RARB: variants seen among roughly 807,000 people sequenced by gnomAD.
RARB encodes the protein retinoic acid receptor beta.
In RARB, 17 loss-of-function variants were observed where a neutral mutation model predicts 51.9. The ratio of observed to expected loss-of-function variants is 0.33; its 90% CI spans 0.22 to 0.49. RARB has a LOEUF of 0.49. Among genes scored for constraint, RARB ranks in the 20% least tolerant of loss-of-function variants. RARB has a pLI of 0.99. For missense variants in RARB, 369 were observed against 550.8 expected, an observed-to-expected ratio of 0.67 and a Z score of 3.30; for synonymous variants, 215 against 195.4, an observed-to-expected ratio of 1.10 and a Z score of -0.84.
In RARB at chr3:25,594,508, C is replaced by A. The variant is rs1296507403; in HGVS notation, c.992-12C>A. ...TCCTGATTTTGTTTAATACTTTATT[C>A]CTGGTATCCAGACCGCCAGGACCTT... On this transcript the variant is annotated splice_polypyrimidine_tract_variant and intron_variant, in intron 6 of 7. Transcript: ENST00000330688. 5 of 1,591,664 alleles carry A rather than the reference C, an allele frequency of 3.1e-6. No homozygotes were observed. The highest frequency in any genetic ancestry group is 1.4e-5 in the African/African-American group (1 of 73,246).
chr3:25,103,673 A>G (rs1338892652), intron 3 of RARB, among the ~76,000 whole-genome samples: 1 of 152,234 alleles, frequency 6.6e-6, no homozygotes, highest in African/African-American at 2.4e-5. Context: ...CTAATTTTCT[A>G]GAGATGAAAT....
chr3:25,417,891 C>T (rs928931948), intron 5 of RARB, among the ~76,000 whole-genome samples: 11 of 152,154 alleles, frequency 7.2e-5, no homozygotes, highest in Non-Finnish European at 1.5e-4. Context: ...GGTAAATGCT[C>T]CAGGCTGGCA....
In RARB at chr3:24,977,153, G is replaced by A. The variant is rs186473016; in HGVS notation, c.-379-82972G>A. On this transcript the variant is annotated intron_variant, in intron 2 of 11. Transcript: ENST00000383772. The stretch of plus-strand genomic sequence containing the variant: ...TTTGGTACCGGTACCATGCTGTTTC[G>A]GTTACTGTAGCCTTGTAGTATAGTT... Among the ~76,000 whole-genome samples, 310 of 152,150 alleles carry A rather than the reference G, an allele frequency of 2.0e-3. 1 individual carries two copies. Among genetic ancestry groups the A allele is most frequent in the Admixed American group, 5.2e-3 (79 of 15,298 alleles).
Position 24,909,812 on chromosome 3 carries a change from GAT to G in RARB, c.-380+51061_-380+51062del, listed in dbSNP as rs543954186. On this transcript the variant is annotated intron_variant, in intron 2 of 11. Transcript: ENST00000383772. ...TTTTGTTCTGTCACCTCTTATTTTT[GAT>G]GTCTGATTGTGTAGGGCATAGAATT... 8.5e-5 allele frequency among the ~76,000 whole-genome samples: 13 copies of G among 152,070 alleles called. No individual in the cohort carries two copies. In the South Asian group the frequency reaches 2.5e-3, roughly 29 times the overall value.
intron 4 of RARB, among the ~76,000 whole-genome samples, chr3:25,142,199 T>G (rs1422251958): frequency 6.6e-6 from 1 of 152,166 alleles, no homozygotes; most frequent in East Asian, 1.9e-4. Context: ...CCAGGCATGG[T>G]GGCGGGCACC....
At chr3:25,370,794 A>G (rs1469963863) in intron 5 of RARB, among the ~76,000 whole-genome samples, 3 of 152,234 alleles carry the variant, frequency 2.0e-5, no homozygotes. Context: ...GCTGGCGTCA[A>G]ACAACAGAAA....
chr3:25,065,496 C>G (rs1433140946), intron 3 of RARB, among the ~76,000 whole-genome samples: 2 of 152,150 alleles, frequency 1.3e-5, no homozygotes, highest in African/African-American at 4.8e-5. Context: ...GATTCAAGCA[C>G]TGTAAAAGTA....
At chr3:25,276,698 TAAAGA>T (rs1468692502) in intron 5 of RARB, among the ~76,000 whole-genome samples, 2 of 152,170 alleles carry the variant, frequency 1.3e-5, no homozygotes, top group Non-Finnish European at 2.9e-5. Flanking sequence ...AGGAAAGGCC[TAAAGA>T]AAAGAAAAGC....
At chr3:25,544,387 A>G (rs141793515) in intron 3 of RARB, among the ~76,000 whole-genome samples, 210 of 152,320 alleles carry the variant, frequency 1.4e-3, no homozygotes, top group African/African-American at 4.9e-3. Flanking sequence ...AAAACAAAGA[A>G]GCTTTTCCCT....
At chr3:25,480,041 G>A (rs1032756863) in intron 2 of RARB, among the ~76,000 whole-genome samples, 5 of 152,186 alleles carry the variant, frequency 3.3e-5, no homozygotes, top group African/African-American at 9.7e-5. Context: ...TTGATGAGGC[G>A]GAATATTGTA....
chr3:25,445,879 C>CATGAA (rs1708908971), intron 1 of RARB, among the ~76,000 whole-genome samples: 1 of 152,164 alleles, frequency 6.6e-6, no homozygotes, highest in African/African-American at 2.4e-5. Flanking sequence ...TATTAAGTGA[C>CATGAA]ATACCAGGTT....
intron 3 of RARB, among the ~76,000 whole-genome samples, chr3:25,090,302 T>C (rs1699174342): frequency 6.6e-6 from 1 of 152,168 alleles, no homozygotes. Flanking sequence ...TTTAATATTG[T>C]CTATTCTTAA....
intron 5 of RARB, among the ~76,000 whole-genome samples, chr3:25,213,585 A>G (rs1469725731): frequency 6.6e-6 from 1 of 152,192 alleles, no homozygotes; most frequent in Admixed American, 6.5e-5. Context: ...CTAGAAGTGA[A>G]ATTGCTGAGT....
chr3:25,053,308 A>G (rs1433670296), intron 2 of RARB, among the ~76,000 whole-genome samples: 1 of 152,142 alleles, frequency 6.6e-6, no homozygotes, highest in East Asian at 1.9e-4. Context: ...TCTGCCTTGT[A>G]TCATACATGG....
chr3:24,874,352 C>T (rs535020835), intron 2 of RARB, among the ~76,000 whole-genome samples: 8 of 152,042 alleles, frequency 5.3e-5, no homozygotes, highest in South Asian at 2.1e-4. Context: ...TAATTTTGTT[C>T]TTCATTGGTG....
chr3:25,593,919 C>T (rs1701713051), intron 6 of RARB, among the ~76,000 whole-genome samples: 1 of 152,040 alleles, frequency 6.6e-6, no homozygotes, highest in African/African-American at 2.4e-5. Context: ...GAAAGAAATC[C>T]CAAAAAGCTA....
chr3:25,504,337 G>A (rs1378289539), intron 3 of RARB, among the ~76,000 whole-genome samples: 1 of 152,198 alleles, frequency 6.6e-6, no homozygotes, highest in African/African-American at 2.4e-5. Context: ...CAAAAAGAGA[G>A]ACTATTAGAT....
intron 5 of RARB, chr3:25,346,028 C>T (rs1476567690): frequency 3.4e-6 from 1 of 294,174 alleles, no homozygotes; most frequent in East Asian, 1.7e-4. Flanking sequence ...TGACTGATCG[C>T]CGCTGGGTTC....
intron 2 of RARB, among the ~76,000 whole-genome samples, chr3:25,471,426 A>G (rs926542315): frequency 6.6e-6 from 1 of 152,210 alleles, no homozygotes; most frequent in East Asian, 1.9e-4. Flanking sequence ...TTTTCCTAGT[A>G]ATAATTCCTA....
Sources: gnomAD v4.1 joint callset for allele counts (sites outside exome capture counted in the v4.1 genomes callset) on GRCh38, gnomAD v4.1.1 for gene constraint, MANE v1.5 for transcripts, NCBI Gene and HGNC (gene_info 2026-07-23, HGNC 2026-07-21) for gene names.